KCNH7: variants seen among roughly 807,000 people sequenced by gnomAD.
KCNH7 encodes the protein potassium voltage-gated channel subfamily H member 7.
Under a neutral mutation model 120.8 loss-of-function variants are expected in KCNH7, and 49 were observed. The observed-to-expected ratio is 0.41, with a 90% confidence interval of 0.32 to 0.51. The LOEUF (loss-of-function observed/expected upper bound fraction) is 0.51. KCNH7 is among the 20% of genes least tolerant of loss of function. The pLI is 0.38. For synonymous variants in KCNH7, 547 were observed against 516.1 expected (o/e 1.06, Z -0.81); for missense variants, 1,097 against 1,446.6 (o/e 0.76, Z 3.92).
At chr2:162,474,048 T>C (rs1463084797) in intron 6 of KCNH7, among the ~76,000 whole-genome samples, 2 of 152,224 alleles carry the variant, frequency 1.3e-5, no homozygotes, top group African/African-American at 2.4e-5. Flanking sequence ...AAGGTCTTTC[T>C]ATGTCCTAGA....
chr2:162,724,563 T>C (rs1687449555), intron 2 of KCNH7, among the ~76,000 whole-genome samples: 1 of 149,580 alleles, frequency 6.7e-6, no homozygotes, highest in Non-Finnish European at 1.5e-5. Flanking sequence ...TCCCAGCTAC[T>C]TGGGAGGCTG....
chr2:162,835,090 T>G (rs1268462430), intron 2 of KCNH7, among the ~76,000 whole-genome samples: 1 of 152,070 alleles, frequency 6.6e-6, no homozygotes, highest in Admixed American at 6.6e-5. Context: ...CAATAAATGT[T>G]TTCAAGACAA....
At chr2:162,655,034 G>T (rs192209689) in intron 2 of KCNH7, among the ~76,000 whole-genome samples, 62 of 152,202 alleles carry the variant, frequency 4.1e-4, no homozygotes, top group African/African-American at 1.5e-3. Context: ...AATTAGACAG[G>T]AGGAATAAAT....
At chr2:162,502,508 A>G (rs1690719012) in intron 6 of KCNH7, among the ~76,000 whole-genome samples, 1 of 152,062 alleles carries the variant, frequency 6.6e-6, no homozygotes, top group African/African-American at 2.4e-5. Context: ...ATGGCCTACA[A>G]TAAATGCCTG....
intron 2 of KCNH7, among the ~76,000 whole-genome samples, chr2:162,694,477 A>AGTGTGTGTGTGT (rs71009366): frequency 0.02 from 2,990 of 146,364 alleles, 107 homozygotes; most frequent in African/African-American, 0.07. Context: ...TGTGTGAAAG[A>AGTGTGTGTGTGT]GTGTGTGTGT....
At chr2:162,694,656 AACT>A (rs1044975032) in intron 2 of KCNH7, among the ~76,000 whole-genome samples, 5 of 152,150 alleles carry the variant, frequency 3.3e-5, no homozygotes, top group African/African-American at 9.7e-5. Context: ...CCTTTGGCAA[AACT>A]ACTAAGAGGA....
At chr2:162,487,848 T>C (rs761725103) in intron 6 of KCNH7, among the ~76,000 whole-genome samples, 3 of 152,170 alleles carry the variant, frequency 2.0e-5, no homozygotes, top group Non-Finnish European at 4.4e-5. Flanking sequence ...GGAATAGCTG[T>C]AGTCAATGAA....
chr2:162,638,390 T>C (rs1338225833), intron 2 of KCNH7, among the ~76,000 whole-genome samples: 8 of 152,088 alleles, frequency 5.3e-5, no homozygotes, highest in Admixed American at 5.3e-4. Flanking sequence ...CATTGCTGTT[T>C]GGAGTACTTT....
intron 2 of KCNH7, among the ~76,000 whole-genome samples, chr2:162,732,026 A>G (rs1274581404): frequency 6.6e-6 from 1 of 152,160 alleles, no homozygotes; most frequent in Non-Finnish European, 1.5e-5. Context: ...ACAGTAAGCA[A>G]CTACAGACAC....
intron 2 of KCNH7, among the ~76,000 whole-genome samples, chr2:162,566,409 C>G (rs928758695): frequency 1.3e-5 from 2 of 151,620 alleles, no homozygotes; most frequent in African/African-American, 2.4e-5. Flanking sequence ...TTATTTATAA[C>G]AATGTTAGAA....
intron 3 of KCNH7, among the ~76,000 whole-genome samples, chr2:162,520,603 A>C (rs58519159): frequency 0.19 from 28,459 of 151,520 alleles, 4,864 homozygotes; most frequent in African/African-American, 0.45. Context: ...CTCTATAAAA[A>C]AACAACAACA....
At chr2:162,780,831 G>A (rs182015307) in intron 2 of KCNH7, among the ~76,000 whole-genome samples, 4 of 152,126 alleles carry the variant, frequency 2.6e-5, no homozygotes, top group South Asian at 2.1e-4. Flanking sequence ...TACTCAATTC[G>A]AAAAGTATAC....
intron 2 of KCNH7, among the ~76,000 whole-genome samples, chr2:162,701,418 ACAGACACT>A (rs1686494472): frequency 6.6e-6 from 1 of 152,146 alleles, no homozygotes; most frequent in South Asian, 2.1e-4. Flanking sequence ...TTACACACTT[ACAGACACT>A]GTCAAAAATT....
chr2:162,829,331 A>T (rs911115474), intron 2 of KCNH7, among the ~76,000 whole-genome samples: 5 of 152,120 alleles, frequency 3.3e-5, no homozygotes, highest in Non-Finnish European at 5.9e-5. Flanking sequence ...TTACATTTTC[A>T]ATTGCCATTA....
intron 2 of KCNH7, among the ~76,000 whole-genome samples, chr2:162,753,018 G>GAA (rs569585096): frequency 7.0e-6 from 1 of 143,330 alleles, no homozygotes; most frequent in Admixed American, 7.1e-5. Flanking sequence ...GAAAAGAAAA[G>GAA]AAAAGAAAAG....
intron 6 of KCNH7, among the ~76,000 whole-genome samples, chr2:162,458,175 A>G (rs1384439246): frequency 6.6e-6 from 1 of 151,600 alleles, no homozygotes; most frequent in African/African-American, 2.4e-5. Context: ...AGTCATTTAG[A>G]TTCAGGTTCA....
chr2:162,392,547 A>G (rs1686775579), intron 12 of KCNH7, among the ~76,000 whole-genome samples: 1 of 151,998 alleles, frequency 6.6e-6, no homozygotes, highest in Admixed American at 6.6e-5. Flanking sequence ...CTCAAATTCT[A>G]TTTCAGTTAC....
intron 6 of KCNH7, among the ~76,000 whole-genome samples, chr2:162,461,468 AT>A (rs1165150248): frequency 6.6e-6 from 1 of 152,214 alleles, no homozygotes; most frequent in Non-Finnish European, 1.5e-5. Context: ...ATAATAATAC[AT>A]TTTTAGGGAT....
chr2:162,398,147 T>TA (rs1221327034), intron 10 of KCNH7, among the ~76,000 whole-genome samples: 1 of 151,874 alleles, frequency 6.6e-6, no homozygotes, highest in Non-Finnish European at 1.5e-5. Context: ...AATGGCAATG[T>TA]AAAATAGTAC....
Sources: allele counts gnomAD v4.1 joint callset (sites outside exome capture counted in the v4.1 genomes callset), GRCh38; gene constraint gnomAD v4.1.1; transcripts MANE v1.5; gene names NCBI Gene and HGNC (gene_info 2026-07-23, HGNC 2026-07-21).